The following C3orf22 variants were observed in gnomAD, a reference collection of about 807,000 sequenced individuals.
C3orf22 encodes the protein chromosome 3 open reading frame 22, also known as uncharacterized protein C3orf22.
Under a neutral mutation model 10.8 loss-of-function variants are expected in C3orf22, and 7 were observed. The observed-to-expected ratio is 0.65, with a 90% CI of 0.37 to 1.22. The LOEUF is 1.22. Ranked by LOEUF, C3orf22 falls within the 50% of genes most tolerant of loss-of-function variation. The pLI, the probability that C3orf22 is intolerant of heterozygous loss-of-function variation, is 0.02. For synonymous variants in C3orf22, 79 were observed against 78.9 expected (o/e 1.00, Z 0.00); for missense variants, 173 against 177.0 (o/e 0.98, Z 0.13).
At chr3:126,534,143 G>A (rs1936713969) in intron 4 of C3orf22, among the ~76,000 whole-genome samples, 1 of 152,044 alleles carries the variant, frequency 6.6e-6, no homozygotes, top group Admixed American at 6.5e-5. Context: ...AGTCTTGCCA[G>A]TTTTTGAGAT....
At chr3:126,541,658 G>A (rs1936958336) in intron 4 of C3orf22, 3 of 1,318,178 alleles carry the variant, frequency 2.3e-6, no homozygotes, top group Non-Finnish European at 2.9e-6. Context: ...GGCGCATCCC[G>A]CCGGGGCAGC....
At chr3:126,527,427 G>C (rs1936557922) in exon 6 of C3orf22, 1 of 152,320 alleles carries the variant, frequency 6.6e-6, no homozygotes, top group Non-Finnish European at 1.5e-5. Context: ...CTCTGCCATA[G>C]CCTCACTCTC....
intron 4 of C3orf22, among the ~76,000 whole-genome samples, chr3:126,531,651 C>A (rs191301776): frequency 6.6e-6 from 1 of 152,196 alleles, no homozygotes; most frequent in African/African-American, 2.4e-5. Flanking sequence ...TTCTTCATTC[C>A]TTTTATGGCC....
intron 4 of C3orf22, among the ~76,000 whole-genome samples, chr3:126,535,391 C>T (rs900859653): frequency 2.2e-4 from 32 of 147,748 alleles, no homozygotes; most frequent in Non-Finnish European, 4.5e-5. Flanking sequence ...AGCTGGTAGA[C>T]AGACAGACAG....
At chr3:126,550,411 T>C (rs773962502) in intron 3 of C3orf22, among the ~76,000 whole-genome samples, 1 of 152,100 alleles carries the variant, frequency 6.6e-6, no homozygotes, top group African/African-American at 2.4e-5. Context: ...CTAAGCAAGC[T>C]TTATTTTTAG....
At chr3:126,548,194 C>G (rs906368589), downstream of C3orf22, among the ~76,000 whole-genome samples, 1 of 152,170 alleles carries the variant, frequency 6.6e-6, no homozygotes, top group African/African-American at 2.4e-5. Flanking sequence ...GGGGTTTCAC[C>G]ATGTTGCCCA....
chr3:126,539,557 C>T (rs1421863537), intron 4 of C3orf22, among the ~76,000 whole-genome samples: 1 of 133,576 alleles, frequency 7.5e-6, no homozygotes. Flanking sequence ...CGCACACACA[C>T]TGCACACACA....
intron 4 of C3orf22, among the ~76,000 whole-genome samples, chr3:126,537,939 C>A (rs945646281): frequency 1.3e-5 from 2 of 152,304 alleles, no homozygotes; most frequent in East Asian, 1.9e-4. Flanking sequence ...AGCAAGGAAT[C>A]CAGGCAGCCA....
downstream of C3orf22, among the ~76,000 whole-genome samples, chr3:126,545,968 C>T (rs567559278): frequency 5.9e-5 from 9 of 152,276 alleles, no homozygotes; most frequent in Admixed American, 2.0e-4. Context: ...TTTCAAGTAT[C>T]CCAATGTCAA....
chr3:126,540,589 T>C (rs552474482), intron 4 of C3orf22, among the ~76,000 whole-genome samples: 220 of 152,362 alleles, frequency 1.4e-3, no homozygotes, highest in African/African-American at 5.1e-3. Context: ...GGCTGAGTCA[T>C]ATTCCATTGC....
At chr3:126,557,100 TCACA>T (rs1276624656) in intron 1 of C3orf22, among the ~76,000 whole-genome samples, 4 of 151,234 alleles carry the variant, frequency 2.6e-5, no homozygotes, top group Admixed American at 1.3e-4. Flanking sequence ...AGATTCACAC[TCACA>T]CACAGACACA....
At chr3:126,534,363 T>C (rs893278552) in intron 4 of C3orf22, among the ~76,000 whole-genome samples, 2 of 152,164 alleles carry the variant, frequency 1.3e-5, no homozygotes, top group Non-Finnish European at 2.9e-5. Context: ...TTATAATAGT[T>C]CTAGGAAAAC....
chr3:126,536,611 TAA>T (rs1286508382), intron 4 of C3orf22, among the ~76,000 whole-genome samples: 1 of 151,866 alleles, frequency 6.6e-6, no homozygotes, highest in South Asian at 2.1e-4. Context: ...GTGTTGCAGA[TAA>T]AAAAGAGTCA....
At chr3:126,542,156 G>A in intron 4 of C3orf22, 2 of 1,526,754 alleles carry the variant, frequency 1.3e-6, no homozygotes, top group South Asian at 1.2e-5. Flanking sequence ...GCGCTACGGT[G>A]CACGCATCGT....
intron 4 of C3orf22, chr3:126,536,429 T>G (rs1253651663): frequency 8.7e-6 from 10 of 1,153,880 alleles, no homozygotes; most frequent in Admixed American, 1.8e-5. Context: ...AGTGCAGACC[T>G]GCTGGCATGA....
downstream of C3orf22, chr3:126,549,586 CTT>C (rs1937133744): frequency 7.8e-7 from 1 of 1,274,704 alleles, no homozygotes; most frequent in South Asian, 1.3e-5. Flanking sequence ...CATTCATGCT[CTT>C]TTTAATCCTC....
intron 4 of C3orf22, among the ~76,000 whole-genome samples, chr3:126,531,993 G>A (rs1936670178): frequency 6.6e-6 from 1 of 152,140 alleles, no homozygotes; most frequent in Non-Finnish European, 1.5e-5. Context: ...CCATCCTCAT[G>A]GTGTTGATTT....
intron 4 of C3orf22, among the ~76,000 whole-genome samples, chr3:126,537,372 C>G (rs1020698632): frequency 1.3e-5 from 2 of 152,160 alleles, no homozygotes; most frequent in Non-Finnish European, 2.9e-5. Context: ...GCAAGGGTAG[C>G]GGGGAGCCAT....
At position 126,554,019 on chromosome 3, in the gene C3orf22, CTGTT is replaced by C. The variant is rs111779357; in HGVS notation, c.-40-593_-40-590del. Among the ~76,000 whole-genome samples, 653 of 152,218 alleles carry C rather than the reference CTGTT, an allele frequency of 4.3e-3. 7 individuals carry two copies. Among genetic ancestry groups the C allele is most frequent in the South Asian group, 0.015 (74 of 4,820 alleles). On this transcript the variant is annotated intron_variant, in intron 1 of 3. Coordinates refer to ENST00000318225, the MANE Select transcript of C3orf22 (RefSeq NM_152533.3). ...ATATGGTAAGTCCATTTCTAGTTTT[CTGTT>C]TGTTTGTTTTGAGACAAGGTCTTGA...
Sources: allele counts gnomAD v4.1 joint callset (sites outside exome capture counted in the v4.1 genomes callset), GRCh38; gene constraint gnomAD v4.1.1; transcripts MANE v1.5; gene names NCBI Gene and HGNC (gene_info 2026-07-23, HGNC 2026-07-21).